Variants in FAAH2 observed in about 807,000 individuals in gnomAD.
FAAH2 encodes the protein fatty acid amide hydrolase 2, also known as fatty-acid amide hydrolase 2.
In FAAH2, 60 loss-of-function variants were observed where a neutral mutation model predicts 36.9. The ratio of observed to expected loss-of-function variants is 1.63; its 90% CI spans 1.32 to 2.02. The LOEUF is 2.02. Among genes scored for constraint, FAAH2 ranks in the 30% most tolerant of loss-of-function variants. FAAH2 has a pLI of 0.00. For missense variants in FAAH2, 689 were observed against 397.5 expected (o/e 1.73, Z -6.23); for synonymous variants, 214 against 143.8 (o/e 1.49, Z -3.49).
At chrX:57,163,633 G>T in the FAAH2 span, among the ~76,000 whole-genome samples, 1 of 112,071 alleles carries the variant, frequency 8.9e-6, no homozygotes, top group Non-Finnish European at 1.9e-5. Flanking sequence ...TCCAGGTGCT[G>T]TCCATCACCC....
chrX:57,314,348 A>G (rs1251381221), intron 3 of FAAH2, among the ~76,000 whole-genome samples: 2 of 111,161 alleles, frequency 1.8e-5, no homozygotes, highest in Non-Finnish European at 3.8e-5. Flanking sequence ...AAAACTAACA[A>G]AAGAAACTCA....
At chrX:57,240,571 G>T in the FAAH2 span, among the ~76,000 whole-genome samples, 40,435 of 110,681 alleles carry the variant, frequency 0.37, 6,319 homozygotes, top group Middle Eastern at 0.61. Context: ...GACATGGTCG[G>T]GTCTGCAAGT....
the FAAH2 span, among the ~76,000 whole-genome samples, chrX:57,270,873 G>A: frequency 8.9e-6 from 1 of 112,159 alleles, no homozygotes; most frequent in Non-Finnish European, 1.9e-5. Flanking sequence ...CCAAGGCCCT[G>A]GGTTTCAAGC....
At chrX:57,160,175 C>T in the FAAH2 span, among the ~76,000 whole-genome samples, 1 of 111,666 alleles carries the variant, frequency 9.0e-6, no homozygotes, top group Non-Finnish European at 1.9e-5. Flanking sequence ...CCCTTGAATC[C>T]CAGGGATGAA....
At chrX:57,458,853 C>T (rs1423399079) in intron 10 of FAAH2, among the ~76,000 whole-genome samples, 1 of 112,349 alleles carries the variant, frequency 8.9e-6, no homozygotes, top group African/African-American at 3.2e-5. Context: ...GTGCCTACAC[C>T]ACCAGGGACC....
chrX:57,319,179 G>A (rs1283712053), intron 3 of FAAH2, among the ~76,000 whole-genome samples: 1 of 111,659 alleles, frequency 9.0e-6, no homozygotes, highest in Non-Finnish European at 1.9e-5. Flanking sequence ...AGGGCAATCA[G>A]GCAAGAGAAA....
chrX:57,475,954 A>C (rs2057258742), intron 10 of FAAH2, among the ~76,000 whole-genome samples: 1 of 110,867 alleles, frequency 9.0e-6, no homozygotes, highest in Non-Finnish European at 1.9e-5. Flanking sequence ...TCTTTGTAGC[A>C]ATTGTGAATG....
chrX:57,357,044 G>C (rs1186775437), intron 5 of FAAH2, among the ~76,000 whole-genome samples: 1 of 111,077 alleles, frequency 9.0e-6, no homozygotes, highest in Non-Finnish European at 1.9e-5. Context: ...GTGATGTTTG[G>C]TTTTCTGCTC....
the FAAH2 span, among the ~76,000 whole-genome samples, chrX:57,151,159 G>T: frequency 8.9e-6 from 1 of 112,082 alleles, no homozygotes; most frequent in African/African-American, 3.2e-5. Flanking sequence ...TCCCCTTGTG[G>T]GTAACCCGAC....
chrX:57,404,051 G>A (rs1194817032), intron 7 of FAAH2, among the ~76,000 whole-genome samples: 1 of 112,372 alleles, frequency 8.9e-6, no homozygotes, highest in African/African-American at 3.2e-5. Context: ...TGTTAGCAAA[G>A]CAGTTGCTGC....
At chrX:57,393,822 T>A in intron 7 of FAAH2, 1 of 873,903 alleles carries the variant, frequency 1.1e-6, no homozygotes, top group Non-Finnish European at 1.7e-6. Context: ...GTGATCTTCC[T>A]CAGGAATCTA....
At chrX:57,255,056 G>C in the FAAH2 span, among the ~76,000 whole-genome samples, 1 of 110,642 alleles carries the variant, frequency 9.0e-6, no homozygotes, top group Non-Finnish European at 1.9e-5. Flanking sequence ...AGAAAAGAGG[G>C]AATAATCAAA....
chrX:57,258,794 C>T, the FAAH2 span, among the ~76,000 whole-genome samples: 1 of 106,493 alleles, frequency 9.4e-6, no homozygotes, highest in African/African-American at 3.4e-5. Context: ...CTGCAAGCTC[C>T]GCCTCCTGGG....
At chrX:57,239,121 C>A in the FAAH2 span, among the ~76,000 whole-genome samples, 1 of 111,620 alleles carries the variant, frequency 9.0e-6, no homozygotes, top group South Asian at 3.7e-4. Flanking sequence ...TTTGCTATTG[C>A]AAATAGTGCT....
chrX:57,456,446 G>A (rs2056866694), intron 10 of FAAH2, among the ~76,000 whole-genome samples: 1 of 111,414 alleles, frequency 9.0e-6, no homozygotes, highest in Admixed American at 9.5e-5. Flanking sequence ...CTAAATCAGA[G>A]AACTGAGCTG....
At chrX:57,483,455 T>A (rs1156508916) in intron 10 of FAAH2, among the ~76,000 whole-genome samples, 1 of 111,177 alleles carries the variant, frequency 9.0e-6, no homozygotes, top group Non-Finnish European at 1.9e-5. Flanking sequence ...CAGTCTTGTC[T>A]TGGATCTTGT....
rs775243317 is a variant in FAAH2 at position 57,315,109 on chromosome X, C to T, written c.412+4380C>T. Among the ~76,000 whole-genome samples the T allele has an allele frequency of 2.7e-5, 3 of 110,887 alleles. No homozygotes were observed. In the South Asian group the frequency reaches 1.1e-3, roughly 41 times the overall value. ...CATTACAACTTATTTCATGGAAATA[C>T]GAAAGATTGTCACAATCAATTCAAT... On this transcript the variant is annotated intron_variant, in intron 3 of 10. Coordinates refer to ENST00000374900, the MANE Select transcript of FAAH2 (RefSeq NM_174912.4).
chrX:57,138,421 T>C, the FAAH2 span, among the ~76,000 whole-genome samples: 2 of 103,794 alleles, frequency 1.9e-5, no homozygotes, highest in Non-Finnish European at 3.9e-5. Context: ...AATATTTTAT[T>C]ATATATATAT....
chrX:57,135,802 C>T, the FAAH2 span: 9 of 1,153,655 alleles, frequency 7.8e-6, no homozygotes, highest in Admixed American at 2.3e-4. Context: ...CACACATGTG[C>T]CAAATTTTAC....
Sources: gnomAD v4.1 joint callset for allele counts (sites outside exome capture counted in the v4.1 genomes callset) on GRCh38, gnomAD v4.1.1 for gene constraint, MANE v1.5 for transcripts, NCBI Gene and HGNC (gene_info 2026-07-23, HGNC 2026-07-21) for gene names.